CEP63: variants seen among roughly 807,000 people sequenced by gnomAD.
The protein encoded by CEP63 is centrosomal protein of 63 kDa.
A neutral mutation model predicts 89.1 loss-of-function variants in CEP63; 84 were observed. The observed-to-expected ratio is 0.94, with a 90% CI of 0.79 to 1.13. CEP63 has a LOEUF of 1.13. Ranked by LOEUF, CEP63 falls within the 50% of genes most tolerant of loss-of-function variation. The pLI, the probability that CEP63 is intolerant of heterozygous loss-of-function variation, is 0.00. For synonymous variants in CEP63, 267 were observed against 272.5 expected (o/e 0.98, Z 0.20); for missense variants, 838 against 813.3 (o/e 1.03, Z -0.37).
intron 6 of CEP63, among the ~76,000 whole-genome samples, chr3:134,544,757 C>T (rs1410507199): frequency 2.6e-5 from 4 of 151,782 alleles, no homozygotes; most frequent in African/African-American, 7.3e-5. Context: ...GAAATAATTC[C>T]AGCCAGGTTG....
intron 5 of CEP63, among the ~76,000 whole-genome samples, chr3:134,534,544 G>C (rs1385304860): frequency 2.0e-5 from 3 of 152,112 alleles, no homozygotes; most frequent in African/African-American, 7.2e-5. Flanking sequence ...TCCTTAGCCA[G>C]CTTTTAAATT....
At chr3:134,612,751 C>CTGTGTGTGTGTGTGTGTGTGTGTGTGTG in the CEP63 span, among the ~76,000 whole-genome samples, 1 of 125,422 alleles carries the variant, frequency 8.0e-6, no homozygotes, top group Admixed American at 8.0e-5. Flanking sequence ...CACGCCGATG[C>CTGTGTGTGTGTGTGTGTGTGTGTGTGTG]TGTGTGTGTG....
the CEP63 span, chr3:134,612,924 C>A: frequency 6.6e-6 from 1 of 152,102 alleles, no homozygotes; most frequent in East Asian, 1.9e-4. Context: ...TCTGTATTTT[C>A]TAAATTTTTA....
the CEP63 span, among the ~76,000 whole-genome samples, chr3:134,769,828 G>A: frequency 5.9e-5 from 9 of 152,182 alleles, no homozygotes; most frequent in Admixed American, 5.9e-4. Flanking sequence ...TGCTTACCTC[G>A]AAAGGGCAGA....
At chr3:134,731,604 G>C in the CEP63 span, among the ~76,000 whole-genome samples, 2 of 152,122 alleles carry the variant, frequency 1.3e-5, no homozygotes, top group African/African-American at 4.8e-5. Context: ...GCCTGAACCT[G>C]TTTAGTTTTA....
intron 3 of CEP63, among the ~76,000 whole-genome samples, chr3:134,524,903 G>T (rs139193885): frequency 1.1e-4 from 17 of 152,298 alleles, no homozygotes; most frequent in African/African-American, 4.1e-4. Flanking sequence ...CATAGAATGG[G>T]TTAGAGAGGA....
the CEP63 span, among the ~76,000 whole-genome samples, chr3:134,632,455 A>G: frequency 1.3e-5 from 2 of 152,068 alleles, no homozygotes; most frequent in Non-Finnish European, 2.9e-5. Flanking sequence ...AAAAACAGAA[A>G]GCAACTGGAA....
At chr3:134,724,514 T>C in the CEP63 span, among the ~76,000 whole-genome samples, 1 of 152,220 alleles carries the variant, frequency 6.6e-6, no homozygotes, top group Non-Finnish European at 1.5e-5. Context: ...AATGTGCCCA[T>C]TGGCACCCAG....
At chr3:134,714,585 G>A in the CEP63 span, among the ~76,000 whole-genome samples, 1 of 152,226 alleles carries the variant, frequency 6.6e-6, no homozygotes, top group Non-Finnish European at 1.5e-5. Flanking sequence ...GGCTGATTCT[G>A]AAGAAAGTCA....
At chr3:134,711,486 T>C in the CEP63 span, among the ~76,000 whole-genome samples, 1 of 152,182 alleles carries the variant, frequency 6.6e-6, no homozygotes, top group South Asian at 2.1e-4. Flanking sequence ...CCCTGTGCCC[T>C]CTATTTGATT....
At chr3:134,544,149 C>T (rs1409622407) in intron 6 of CEP63, among the ~76,000 whole-genome samples, 1 of 152,118 alleles carries the variant, frequency 6.6e-6, no homozygotes, top group Admixed American at 6.5e-5. Context: ...ATCTTTAAAT[C>T]TGCAATAGAT....
At chr3:134,610,517 C>A in the CEP63 span, 1 of 747,426 alleles carries the variant, frequency 1.3e-6, no homozygotes, top group Non-Finnish European at 2.2e-6. Context: ...GCTTCTTGTA[C>A]TCACATATAA....
the CEP63 span, among the ~76,000 whole-genome samples, chr3:134,726,455 G>GACACAC: frequency 3.3e-3 from 171 of 51,102 alleles, no homozygotes; most frequent in South Asian, 7.9e-3. Flanking sequence ...CAGGCACACA[G>GACACAC]ACAGACACAC....
the CEP63 span, among the ~76,000 whole-genome samples, chr3:134,647,999 G>A: frequency 6.6e-6 from 1 of 152,178 alleles, no homozygotes; most frequent in Non-Finnish European, 1.5e-5. Context: ...CCTAGCCATG[G>A]CCAATCTGAT....
At chr3:134,720,604 T>C in the CEP63 span, among the ~76,000 whole-genome samples, 1 of 152,128 alleles carries the variant, frequency 6.6e-6, no homozygotes, top group Non-Finnish European at 1.5e-5. Context: ...AGTGCTTTTA[T>C]GATTTAAGTG....
the CEP63 span, among the ~76,000 whole-genome samples, chr3:134,739,715 T>G: frequency 6.6e-6 from 1 of 151,734 alleles, no homozygotes; most frequent in Non-Finnish European, 1.5e-5. Context: ...TTTTTTTTTT[T>G]GCTAAGGGAC....
the CEP63 span, among the ~76,000 whole-genome samples, chr3:134,694,958 G>A: frequency 6.6e-6 from 1 of 152,186 alleles, no homozygotes; most frequent in Non-Finnish European, 1.5e-5. Flanking sequence ...GCACATTGTG[G>A]TGTGGAAGAT....
intron 2 of CEP63, among the ~76,000 whole-genome samples, chr3:134,498,775 C>T (rs1941001709): frequency 1.3e-5 from 2 of 152,136 alleles, no homozygotes; most frequent in Admixed American, 6.6e-5. Context: ...TGAATTTTAT[C>T]AAGTGCTTTT....
At chr3:134,680,097 A>G in the CEP63 span, among the ~76,000 whole-genome samples, 1 of 152,182 alleles carries the variant, frequency 6.6e-6, no homozygotes, top group Non-Finnish European at 1.5e-5. Context: ...TCATGTGAAG[A>G]CACAGGGAGA....
Sources: gnomAD v4.1 joint callset for allele counts (sites outside exome capture counted in the v4.1 genomes callset) on GRCh38, gnomAD v4.1.1 for gene constraint, MANE v1.5 for transcripts, NCBI Gene and HGNC (gene_info 2026-07-23, HGNC 2026-07-21) for gene names.